The following CD101 variants were observed in gnomAD, a reference collection of about 807,000 sequenced individuals.
CD101 encodes the protein CD101 molecule, also known as immunoglobulin superfamily member 2.
In CD101, 76 loss-of-function variants were observed where a neutral mutation model predicts 98.2. That is an observed-to-expected ratio of 0.77 (90% confidence interval 0.64 to 0.94). The LOEUF is 0.94. Ranked by LOEUF, CD101 falls within the 40% of genes least tolerant of loss-of-function variation. The pLI, the probability that CD101 is intolerant of heterozygous loss-of-function variation, is 0.00. For missense variants in CD101, 1,145 were observed against 1,218.8 expected, an observed-to-expected ratio of 0.94 and a Z score of 0.90; for synonymous variants, 471 against 472.7, an observed-to-expected ratio of 1.00 and a Z score of 0.05.
rs1258563021 is a variant in CD101, at chr1:117,011,899, A to G, written c.774A>G (p.Pro258=). 1.9e-6 allele frequency: 3 copies of G among 1,614,082 alleles called. No individual in the cohort carries two copies. The highest frequency in any genetic ancestry group is 3.3e-5 in the Admixed American group (2 of 60,000). ...FCEATEWIQD[P]DETWMFITKK... is the part of the protein sequence containing the mutation. The stretch of plus-strand genomic sequence containing the variant: ...AGGCAACGGAATGGATTCAGGATCC[A>G]GATGAAACTTGGATGTTCATCACCA... The change falls in exon 3 of 10, where the codon CCA becomes CCG. Residue 258 remains proline, a synonymous_variant. Transcript: ENST00000682167.
intron 1 of CD101, among the ~76,000 whole-genome samples, chr1:117,002,542 G>A (rs1652291663): frequency 6.6e-6 from 1 of 152,208 alleles, no homozygotes. Context: ...TTTCAAACCA[G>A]ATAGCAGGTA....
chr1:117,007,446 C>T lies in CD101; in HGVS notation c.44-2404C>T, dbSNP rs148014519. 8.4e-3 allele frequency among the ~76,000 whole-genome samples: 1,280 copies of T among 151,988 alleles called. 20 individuals carry two copies. Among genetic ancestry groups the T allele is most frequent in the African/African-American group, 0.029 (1,219 of 41,448 alleles). ...CACTGCAACCTCTGCCTCCTGAGTT[C>T]AAGCGATTTTCTTGCCTCAGCCTCT... On this transcript the variant is annotated intron_variant, in intron 1 of 9. Coordinates refer to ENST00000682167, the MANE Select transcript of CD101 (RefSeq NM_001256106.3).
intron 7 of CD101, among the ~76,000 whole-genome samples, chr1:117,024,001 A>T (rs113555386): frequency 2.6e-4 from 40 of 152,342 alleles, no homozygotes; most frequent in African/African-American, 9.4e-4. Context: ...TGGCCAAGTA[A>T]AGTGATGGGA....
rs1653638789 is a variant in CD101 at position 117,022,379 on chromosome 1, T to C, written c.2428+396T>C. Among the ~76,000 whole-genome samples the C allele has an allele frequency of 6.6e-6, 1 of 152,218 alleles. No individual in the cohort carries two copies. The highest frequency in any genetic ancestry group is 2.4e-5 in the African/African-American group (1 of 41,458). Reference sequence around the variant, plus strand: ...TATTTCTCCCACTGTGAACAGAAACTGTACAACTCTATGGGGATGTGTGGA... The same window carrying C: ...TATTTCTCCCACTGTGAACAGAAACCGTACAACTCTATGGGGATGTGTGGA... On this transcript the variant is annotated intron_variant, in intron 7 of 9. Coordinates refer to ENST00000682167, the MANE Select transcript of CD101 (RefSeq NM_001256106.3). The surrounding 1 kb of genome is among the most constrained non-coding windows in gnomAD (Gnocchi z 4.8).
In CD101 at chr1:117,001,815, C is replaced by CA. The variant is rs1652246404; in HGVS notation, c.1dup. 1 of 1,613,886 alleles carries CA rather than the reference C, an allele frequency of 6.2e-7. No individual in the cohort carries two copies. Among genetic ancestry groups the CA allele is most frequent in the South Asian group, 1.1e-5 (1 of 91,086 alleles). Reference sequence around the variant, plus strand: ...GGGACGAAAAAGGACTGTGCTGGCCCAAATGGCAGGCATCTCATATGTGGC... The same window carrying CA: ...GGGACGAAAAAGGACTGTGCTGGCCCAAAATGGCAGGCATCTCATATGTGGC... On this transcript the variant is annotated 5_prime_UTR_variant, in exon 1 of 10. Transcript: ENST00000682167.
intron 9 of CD101, 82 bp downstream of exon 9, chr1:117,034,216 T>A: frequency 1.5e-6 from 2 of 1,301,908 alleles, no homozygotes; most frequent in Non-Finnish European, 2.1e-6. Flanking sequence ...CTTGGGCAAG[T>A]TACCTAGGAA....
In CD101 at chr1:117,001,919, T is replaced by C. The variant is rs892484977; in HGVS notation, c.43+59T>C. 24 of 1,512,010 alleles carry C rather than the reference T, an allele frequency of 1.6e-5. No individual in the cohort carries two copies. The Admixed American group carries it at 3.2e-4, about 20-fold the overall frequency. The allele number at this position is 1,512,010 out of a possible 1,614,324, so 93.7% of individuals were successfully genotyped here. On this transcript the variant is annotated intron_variant, in intron 1 of 9. Coordinates refer to ENST00000682167, the MANE Select transcript of CD101 (RefSeq NM_001256106.3). ...ACAGGAGTTCATCAACTCAGGGTGC[T>C]GAGTGATGGAACAGGACAATTTGGT...
rs1302538080 is a variant in CD101, at chr1:117,033,769, G to C, written c.2825-91G>C. 3 of 1,544,792 alleles carry C rather than the reference G, an allele frequency of 1.9e-6. No individual in the cohort carries two copies. The highest frequency in any genetic ancestry group is 2.6e-6 in the Non-Finnish European group (3 of 1,134,188). On this transcript the variant is annotated intron_variant, in intron 8 of 9. Transcript: ENST00000682167. The surrounding 1 kb of genome is among the most constrained non-coding windows in gnomAD (Gnocchi z 4.8). ...GGCCCCATTATTTTTACATATACTT[G>C]CCTATAACAATAAATCCCAGGAGTG...
intron 6 of CD101, among the ~76,000 whole-genome samples, chr1:117,020,530 C>T (rs1006922686): frequency 1.3e-5 from 2 of 152,142 alleles, no homozygotes; most frequent in African/African-American, 4.8e-5. Context: ...GGCGACAGAG[C>T]AAGACTCCAT....
rs2101112794 is a variant in CD101 at position 117,006,834 on chromosome 1, A to G, written c.44-3016A>G. On this transcript the variant is annotated intron_variant, in intron 1 of 9. Coordinates refer to ENST00000682167, the MANE Select transcript of CD101 (RefSeq NM_001256106.3). The surrounding 1 kb of genome is among the most constrained non-coding windows in gnomAD (Gnocchi z 4.4). ...AAATCCAGAAGTCAGAATCTAGCCTAAATTCATCTTCATATCTTAGTCCCT... is the reference window on the plus strand; with the variant it reads ...AAATCCAGAAGTCAGAATCTAGCCTGAATTCATCTTCATATCTTAGTCCCT... Among the ~76,000 whole-genome samples, 1 of 152,324 alleles carries G rather than the reference A, an allele frequency of 6.6e-6. No homozygotes were observed. Among genetic ancestry groups the G allele is most frequent in the East Asian group, 1.9e-4 (1 of 5,192 alleles).
At chr1:117,017,528 C>T (rs1653312890) in intron 5 of CD101, 55 bp downstream of exon 5, 1 of 1,534,628 alleles carries the variant, frequency 6.5e-7, no homozygotes, top group Non-Finnish European at 8.8e-7. Flanking sequence ...ATTCATTCTG[C>T]AGTGGAACTG....
chr1:117,005,230 C>T lies in CD101; in HGVS notation c.43+3370C>T, dbSNP rs909229398. On this transcript the variant is annotated intron_variant, in intron 1 of 9. Coordinates refer to ENST00000682167, the MANE Select transcript of CD101 (RefSeq NM_001256106.3). The surrounding 1 kb of genome is among the most constrained non-coding windows in gnomAD (Gnocchi z 4.4). The stretch of plus-strand genomic sequence containing the variant: ...CTAGGACATTACTTCATTCATCCTC[C>T]TTGCTGGCTTCACCCATTCTCCATC... Among the ~76,000 whole-genome samples, 6 of 152,096 alleles carry T rather than the reference C, an allele frequency of 3.9e-5. No individual in the cohort carries two copies. In the South Asian group the frequency reaches 1.2e-3, roughly 32 times the overall value.
At chr1:117,034,174 ATCCTGGTTCTGTCC>A in intron 9 of CD101, 40 bp downstream of exon 9, 1 of 1,561,266 alleles carries the variant, frequency 6.4e-7, no homozygotes, top group Non-Finnish European at 8.7e-7. Flanking sequence ...GTGTGAATGA[ATCCTGGTTCTGTCC>A]TCAACTATGT....
intron 9 of CD101, 63 bp downstream of exon 9, chr1:117,034,197 G>T: frequency 6.7e-7 from 1 of 1,482,776 alleles, no homozygotes; most frequent in Non-Finnish European, 9.1e-7. Context: ...CCTCAACTAT[G>T]TCTGCGGCCT....
intron 8 of CD101, among the ~76,000 whole-genome samples, chr1:117,028,076 ACT>A (rs1654075636): frequency 6.7e-6 from 1 of 148,630 alleles, no homozygotes; most frequent in South Asian, 2.1e-4. Context: ...CAAGAGCAAA[ACT>A]CTGTCTCAAA....
chr1:117,017,187 C>T lies in CD101; in HGVS notation c.1326C>T (p.Pro442=). The change falls in exon 5 of 10, where the codon CCC becomes CCT. Residue 442 remains proline (P), a synonymous_variant. Coordinates refer to ENST00000682167, the MANE Select transcript of CD101 (RefSeq NM_001256106.3). ...GTAAGGCTGGTGGAGCTGAAAGTCC[C>T]CTGTCTGTGAGCTGGTGGCACATCC... ...FLCKAGGAES[P]LSVSWWHIPR... 6.2e-7 allele frequency: 1 copy of T among 1,614,232 alleles called. No homozygotes were observed. Among genetic ancestry groups the T allele is most frequent in the South Asian group, 1.1e-5 (1 of 91,088 alleles).
At position 117,021,537 on chromosome 1, in the gene CD101, C is replaced by T. The variant is rs1238016880; in HGVS notation, c.2018-36C>T. The T allele has an allele frequency of 6.6e-7, 1 of 1,515,934 alleles. No individual in the cohort carries two copies. The highest frequency in any genetic ancestry group is 8.8e-7 in the Non-Finnish European group (1 of 1,133,296). The allele number at this position is 1,515,934 out of a possible 1,614,324, so 93.9% of individuals were successfully genotyped here. On this transcript the variant is annotated intron_variant, in intron 6 of 9. Transcript: ENST00000682167. The surrounding 1 kb of genome is among the most constrained non-coding windows in gnomAD (Gnocchi z 4.7). ...TCTCTACTACCTTAACTTTCTATTT[C>T]ATAGCAAAGTAACTGTTTCATTTTT...
chr1:117,017,545 G>A (rs1001728031), intron 5 of CD101, 72 bp downstream of exon 5: 17 of 1,471,122 alleles, frequency 1.2e-5, no homozygotes, highest in African/African-American at 7.0e-5. Context: ...ACTGGATTGC[G>A]TGTTATCCTG....
In CD101 at chr1:117,011,713, T is replaced by TCCTCCTTTG. The variant is rs1557766806; in HGVS notation, c.588_589insCCTCCTTTG (p.Thr196_Glu197insProProLeu). ...AGGATGGAGGAGGAAGCCAAGCCACTGAGATTATTTCTCTCTCCAAAGATT... is the reference window on the plus strand; with the variant it reads ...AGGATGGAGGAGGAAGCCAAGCCACTCCTCCTTTGGAGATTATTTCTCTCTCCAAAGATT... On this transcript the variant is annotated inframe_insertion, in exon 3 of 10. Coordinates refer to ENST00000682167, the MANE Select transcript of CD101 (RefSeq NM_001256106.3). 6.2e-7 allele frequency: 1 copy of TCCTCCTTTG among 1,614,156 alleles called. No individual in the cohort carries two copies.
Sources: gnomAD v4.1 joint callset for allele counts (sites outside exome capture counted in the v4.1 genomes callset) on GRCh38, gnomAD v4.1.1 for gene constraint, Gnocchi (gnomAD v3.1) non-coding constraint, MANE v1.5 for transcripts, NCBI Gene and HGNC (gene_info 2026-07-23, HGNC 2026-07-21) for gene names.